Variants in KCNQ3 observed in about 807,000 individuals in gnomAD.
KCNQ3 encodes the protein potassium voltage-gated channel subfamily KQT member 3.
In KCNQ3, 30 loss-of-function variants were observed where a neutral mutation model predicts 92.5. That is an observed-to-expected ratio of 0.32 (90% CI 0.24 to 0.44). The LOEUF is 0.44. Ranked by LOEUF, KCNQ3 falls within the 20% of genes least tolerant of loss-of-function variation. KCNQ3 has a pLI of 1.00. For synonymous variants in KCNQ3, 450 were observed against 468.8 expected (o/e 0.96, Z 0.52); for missense variants, 913 against 1,140.3 (o/e 0.80, Z 2.87).
At chr8:132,328,517 T>A (rs940585584) in intron 1 of KCNQ3, among the ~76,000 whole-genome samples, 2 of 152,110 alleles carry the variant, frequency 1.3e-5, no homozygotes, top group African/African-American at 4.8e-5. Flanking sequence ...ACGCCCAAGT[T>A]ACTTGAGCTG....
At chr8:132,263,052 C>T (rs978437839) in intron 1 of KCNQ3, among the ~76,000 whole-genome samples, 3 of 152,154 alleles carry the variant, frequency 2.0e-5, no homozygotes, top group African/African-American at 7.2e-5. Context: ...CTCCATCTAT[C>T]TGACCCGAAA....
At chr8:132,194,750 G>A (rs1043372983) in intron 1 of KCNQ3, among the ~76,000 whole-genome samples, 6 of 152,160 alleles carry the variant, frequency 3.9e-5, no homozygotes, top group African/African-American at 1.2e-4. Context: ...TCAAAAATTT[G>A]ATTAGCTGGA....
intron 1 of KCNQ3, among the ~76,000 whole-genome samples, chr8:132,196,639 G>A (rs1251116215): frequency 6.6e-6 from 1 of 152,228 alleles, no homozygotes; most frequent in African/African-American, 2.4e-5. Context: ...CACTGTAGGA[G>A]CTTGGAGAAG....
At chr8:132,360,212 A>G (rs114717563) in intron 1 of KCNQ3, among the ~76,000 whole-genome samples, 1,698 of 151,882 alleles carry the variant, frequency 0.011, 25 homozygotes, top group African/African-American at 0.039. Flanking sequence ...TCTCCTCCCC[A>G]TTGCTTCTGT....
chr8:132,184,129 C>A (rs764561992), intron 3 of KCNQ3, 112 bp downstream of exon 3: 12 of 1,355,742 alleles, frequency 8.9e-6, no homozygotes, highest in African/African-American at 1.4e-5. Flanking sequence ...GCTGAGCTGG[C>A]CTCCACAGTG....
intron 7 of KCNQ3, among the ~76,000 whole-genome samples, chr8:132,172,382 G>C (rs1826396352): frequency 7.0e-6 from 1 of 143,118 alleles, no homozygotes; most frequent in Non-Finnish European, 1.6e-5. Flanking sequence ...GCCTGCTCCT[G>C]CCTGGGCACA....
At chr8:132,157,725 T>C (rs751525898) in intron 9 of KCNQ3, among the ~76,000 whole-genome samples, 4 of 152,194 alleles carry the variant, frequency 2.6e-5, no homozygotes, top group Non-Finnish European at 1.5e-5. Context: ...GTTTGTTCCA[T>C]AGGTATACAT....
intron 1 of KCNQ3, among the ~76,000 whole-genome samples, chr8:132,381,317 C>G (rs1819745426): frequency 6.6e-6 from 1 of 152,170 alleles, no homozygotes; most frequent in Non-Finnish European, 1.5e-5. Context: ...TTCATGAAAG[C>G]TCCACAGCTG....
At chr8:132,441,002 T>A (rs546303974) in intron 1 of KCNQ3, among the ~76,000 whole-genome samples, 39 of 152,326 alleles carry the variant, frequency 2.6e-4, no homozygotes, top group Non-Finnish European at 5.4e-4. Context: ...TCTCTATTCT[T>A]ATCACAGAAA....
chr8:132,449,118 G>A (rs1429633743), intron 1 of KCNQ3, among the ~76,000 whole-genome samples: 1 of 152,174 alleles, frequency 6.6e-6, no homozygotes, highest in African/African-American at 2.4e-5. Flanking sequence ...GTTTAACAGT[G>A]TTTGTAGCCA....
chr8:132,244,519 TACCCAGAAAGATCA>T (rs1815099278), intron 1 of KCNQ3, among the ~76,000 whole-genome samples: 1 of 152,172 alleles, frequency 6.6e-6, no homozygotes, highest in Non-Finnish European at 1.5e-5. Context: ...TTTCTGTTTT[TACCCAGAAAGATCA>T]AAAGAATGAA....
At chr8:132,317,572 T>C (rs1817778909) in intron 1 of KCNQ3, among the ~76,000 whole-genome samples, 1 of 152,196 alleles carries the variant, frequency 6.6e-6, no homozygotes. Flanking sequence ...CAGTCCCACG[T>C]TGAGAAGCAT....
intron 1 of KCNQ3, among the ~76,000 whole-genome samples, chr8:132,350,684 G>A (rs925813363): frequency 6.6e-6 from 1 of 152,116 alleles, no homozygotes; most frequent in African/African-American, 2.4e-5. Flanking sequence ...CTGACAAACA[G>A]TCTAGGGCAT....
chr8:132,142,603 CTCA>C (rs1469784214), intron 9 of KCNQ3, among the ~76,000 whole-genome samples: 1 of 152,178 alleles, frequency 6.6e-6, no homozygotes, highest in African/African-American at 2.4e-5. Flanking sequence ...CAGTGGTATA[CTCA>C]ATGCAGCAGC....
At chr8:132,172,837 G>C in intron 6 of KCNQ3, 144 bp from the exon 7 acceptor site, 1 of 695,070 alleles carries the variant, frequency 1.4e-6, no homozygotes, top group Non-Finnish European at 2.6e-6. Flanking sequence ...AGGGAAGGGG[G>C]AAAGAGCCCT....
Position 132,470,473 on chromosome 8 carries a change from A to G in KCNQ3, c.386+9674T>C, listed in dbSNP as rs189186666. ...GTGTATTGTGTGTGTGCATACACACATGCACTTATATTGTCTGTATATGTG... is the reference window on the plus strand; with the variant it reads ...GTGTATTGTGTGTGTGCATACACACGTGCACTTATATTGTCTGTATATGTG... On this transcript the variant is annotated intron_variant, in intron 1 of 14. Transcript: ENST00000388996. Among the ~76,000 whole-genome samples the G allele has an allele frequency of 5.3e-5, 8 of 152,338 alleles. No homozygotes were observed. The East Asian group carries it at 1.5e-3, about 29-fold the overall frequency.
Position 132,348,000 on chromosome 8 carries a change from A to AAG in KCNQ3, c.386+132145_386+132146dup, listed in dbSNP as rs1563872303. 5.2e-4 allele frequency among the ~76,000 whole-genome samples: 76 copies of AAG among 145,006 alleles called. 2 individuals are homozygous for AAG. The highest frequency in any genetic ancestry group is 6.0e-4 in the African/African-American group (23 of 38,208). Reference sequence around the variant, plus strand: ...TCTAAAAAAAAAAAAAAAAAAAAAAAAGGAAAACCCACTATTCCAGATAAG... The same window carrying AAG: ...TCTAAAAAAAAAAAAAAAAAAAAAAAAGAGGAAAACCCACTATTCCAGATAAG... On this transcript the variant is annotated intron_variant, in intron 1 of 14. Coordinates refer to ENST00000388996, the MANE Select transcript of KCNQ3 (RefSeq NM_004519.4).
At chr8:132,216,675 CA>C (rs940125211) in intron 1 of KCNQ3, among the ~76,000 whole-genome samples, 8 of 151,838 alleles carry the variant, frequency 5.3e-5, no homozygotes, top group African/African-American at 1.7e-4. Context: ...AAAAATGCCA[CA>C]AAAAAAGGGG....
intron 1 of KCNQ3, among the ~76,000 whole-genome samples, chr8:132,187,906 G>GTGGTGGTGGTGGTGATAGTGA (rs61354265): frequency 1.1e-5 from 1 of 90,128 alleles, no homozygotes; most frequent in African/African-American, 5.8e-5. Flanking sequence ...GGTGGTGATG[G>GTGGTGGTGGTGGTGATAGTGA]TGGTGGTGGT....
Sources: gnomAD v4.1 joint callset for allele counts (sites outside exome capture counted in the v4.1 genomes callset) on GRCh38, gnomAD v4.1.1 for gene constraint, MANE v1.5 for transcripts, NCBI Gene and HGNC (gene_info 2026-07-23, HGNC 2026-07-21) for gene names.